Variants in SLC43A3 observed in about 807,000 individuals in gnomAD.
SLC43A3 encodes equilibrative nucleobase transporter 1.
In SLC43A3, 33 loss-of-function variants were observed where a neutral mutation model predicts 53.3. The ratio of observed to expected loss-of-function variants is 0.62; its 90% CI spans 0.47 to 0.83. The LOEUF (loss-of-function observed/expected upper bound fraction) is 0.83, where lower values mean the gene tolerates loss of function less well. SLC43A3 is among the 40% of genes least tolerant of loss of function. The pLI, the probability that SLC43A3 is intolerant of heterozygous loss-of-function variation, is 0.00. For missense variants in SLC43A3, 530 were observed against 610.0 expected (o/e 0.87, Z 1.38); for synonymous variants, 236 against 246.2 (o/e 0.96, Z 0.39).
chr11:57,426,538 A>C (rs1943206208), intron 2 of SLC43A3, 50 bp downstream of exon 2: 1 of 187,714 alleles, frequency 5.3e-6, no homozygotes, highest in South Asian at 1.4e-4. Context: ...GCAAGTAGAG[A>C]GGCAGGTCTT....
At chr11:57,415,259 G>T (rs1942666370) in intron 9 of SLC43A3, 153 bp from the exon 10 acceptor site, 1 of 1,535,128 alleles carries the variant, frequency 6.5e-7, no homozygotes, top group Non-Finnish European at 8.7e-7. Context: ...ACCTGCCTCG[G>T]ACTCACACAT....
chr11:57,419,135 C>T (rs533362281), intron 7 of SLC43A3, among the ~76,000 whole-genome samples: 4 of 152,198 alleles, frequency 2.6e-5, no homozygotes, highest in Admixed American at 1.3e-4. Context: ...GGAGCCTCCT[C>T]GTGTGGCTCC....
intron 11 of SLC43A3, among the ~76,000 whole-genome samples, chr11:57,412,053 T>TA (rs1942500738): frequency 1.3e-5 from 2 of 152,164 alleles, no homozygotes; most frequent in South Asian, 2.1e-4. Flanking sequence ...CCAGGAGCAA[T>TA]AAAAAACCTC....
intron 13 of SLC43A3, chr11:57,408,856 G>A (rs1210577588): frequency 3.2e-6 from 1 of 307,774 alleles, no homozygotes. Context: ...AAAGCACAGA[G>A]GTCCTGTCCC....
At chr11:57,413,159 C>T (rs1175323517) in intron 11 of SLC43A3, among the ~76,000 whole-genome samples, 1 of 151,734 alleles carries the variant, frequency 6.6e-6, no homozygotes, top group South Asian at 2.1e-4. Context: ...TTAAATGACA[C>T]ATTAAAACAA....
At chr11:57,425,481 G>A in intron 4 of SLC43A3, 60 bp downstream of exon 4, 1 of 1,573,628 alleles carries the variant, frequency 6.4e-7, no homozygotes, top group Non-Finnish European at 8.7e-7. Context: ...CTCCAAGCTA[G>A]GCTGCTGCCT....
At chr11:57,418,021 C>T (rs1942800045) in intron 7 of SLC43A3, 134 bp from the exon 8 acceptor site, 2 of 776,576 alleles carry the variant, frequency 2.6e-6, no homozygotes, top group Non-Finnish European at 2.0e-6. Context: ...TCTATACACA[C>T]AATGGAATAT....
chr11:57,416,013 T>C (rs141327997), intron 9 of SLC43A3, among the ~76,000 whole-genome samples: 88 of 152,346 alleles, frequency 5.8e-4, no homozygotes, highest in African/African-American at 1.9e-3. Context: ...TTTGATGACC[T>C]ACAGTCTTCG....
intron 9 of SLC43A3, among the ~76,000 whole-genome samples, chr11:57,416,205 T>C (rs1942710320): frequency 6.6e-6 from 1 of 152,052 alleles, no homozygotes; most frequent in African/African-American, 2.4e-5. Context: ...GTGATAGAGT[T>C]GGGACAATAA....
chr11:57,422,079 TC>T (rs1399368470), intron 5 of SLC43A3, among the ~76,000 whole-genome samples: 1 of 152,196 alleles, frequency 6.6e-6, no homozygotes, highest in African/African-American at 2.4e-5. Flanking sequence ...AAATTCTTCC[TC>T]CCCAAACCAG....
Position 57,417,840 on chromosome 11 carries a change from G to C in SLC43A3, c.579C>G (p.Ile193Met). 1 of 1,614,196 alleles carries C rather than the reference G, an allele frequency of 6.2e-7. No homozygotes were observed. Among genetic ancestry groups the C allele is most frequent in the Non-Finnish European group, 8.5e-7 (1 of 1,180,046 alleles). ...GISLRASFIF[I>M]SVCSTWHVAR... ...CTACATGCCAGGTACTGCAGACAGA[G>C]ATGAAGATGAAGGAGGCCCTGAGGC... The change falls in exon 8 of 14, where the codon ATC becomes ATG. Residue 193 changes from isoleucine (I) to methionine (M), a missense_variant. This residue lies in a region of SLC43A3 where 376 missense variants were observed against 386.7 expected (regional missense o/e 0.97). Coordinates refer to ENST00000395124, the MANE Select transcript of SLC43A3 (RefSeq NM_199329.3).
intron 11 of SLC43A3, among the ~76,000 whole-genome samples, chr11:57,412,931 G>A (rs1942546354): frequency 6.6e-6 from 1 of 152,008 alleles, no homozygotes; most frequent in South Asian, 2.1e-4. Context: ...AAACTTTATA[G>A]TGGATGGATC....
chr11:57,417,954 A>T, intron 7 of SLC43A3, 67 bp from the exon 8 acceptor site: 1 of 1,504,828 alleles, frequency 6.6e-7, no homozygotes, highest in Non-Finnish European at 9.1e-7. Context: ...CACAATAGCC[A>T]AAGGATGGAA....
rs376854499 is a variant in SLC43A3 at position 57,408,908 on chromosome 11, G to A, written c.1371+267C>T. ...AACCCTGTGTGGGCCTAGGGGAGAG[G>A]CCAGGGTGGGCCTGCACTCACCACA... is the stretch of plus-strand genomic sequence containing the variant. On this transcript the variant is annotated intron_variant, in intron 13 of 13. Transcript: ENST00000395124. Among the ~76,000 whole-genome samples, 6 of 152,344 alleles carry A rather than the reference G, an allele frequency of 3.9e-5. No individual in the cohort carries two copies. The East Asian group carries it at 9.7e-4, about 25-fold the overall frequency.
rs1342886211 is a variant in SLC43A3 at position 57,426,152 on chromosome 11, G to A, written c.21C>T (p.Pro7=). MAGQGL[P]LHVATLLTGL... ...CAGTCAGCAGTGTGGCCACGTGCAGGGGCAGGCCCTGGCCCGCCATGAGCA... is the reference window on the plus strand; with the variant it reads ...CAGTCAGCAGTGTGGCCACGTGCAGAGGCAGGCCCTGGCCCGCCATGAGCA... Residue 7 remains proline, a synonymous_variant, in exon 3 of 14, where the codon CCC becomes CCT. Transcript: ENST00000395124. 6.2e-7 allele frequency: 1 copy of A among 1,614,000 alleles called. No individual in the cohort carries two copies. Among genetic ancestry groups the A allele is most frequent in the Non-Finnish European group, 8.5e-7 (1 of 1,179,986 alleles).
intron 8 of SLC43A3, 127 bp downstream of exon 8, chr11:57,417,621 G>A (rs1942782115): frequency 1.9e-6 from 2 of 1,075,106 alleles, no homozygotes; most frequent in African/African-American, 1.6e-5. Flanking sequence ...AGTTTGTTAT[G>A]CAGCAATAGC....
chr11:57,421,307 G>A lies in SLC43A3; in HGVS notation c.428C>T (p.Thr143Ile), dbSNP rs200944906. 4.3e-6 allele frequency: 7 copies of A among 1,613,348 alleles called. No individual in the cohort carries two copies. Among genetic ancestry groups the A allele is most frequent in the African/African-American group, 1.3e-5 (1 of 74,906 alleles). The change falls in exon 6 of 14, where the codon ACC (threonine) becomes ATC (isoleucine). Residue 143 changes from threonine (T) to isoleucine (I), a missense_variant. Transcript: ENST00000395124. ...LTIGGILFLI[T>I]NLQIGNLFGQ... is the part of the protein sequence containing the mutation. ...AGGGAAGGCTCCCACCTGCAGGTTG[G>A]TGATGAGAAACAGGATTCCCCCAAT...
In SLC43A3 at chr11:57,414,598, C is replaced by T. The variant is rs1423355703; in HGVS notation, c.1060+17G>A. On this transcript the variant is annotated intron_variant, in intron 11 of 13. Coordinates refer to ENST00000395124, the MANE Select transcript of SLC43A3 (RefSeq NM_199329.3). ...TCCTGGTTCCCTGACCAGCCCCTGC[C>T]CTCCCCCGCATCTCACCTGTCTTTC... 8.6e-6 allele frequency: 13 copies of T among 1,518,046 alleles called. No homozygotes were observed. The Admixed American group carries it at 2.0e-4, about 23-fold the overall frequency. The allele number at this position is 1,518,046 out of a possible 1,614,324, so 94.0% of individuals were successfully genotyped here.
intron 5 of SLC43A3, 74 bp downstream of exon 5, chr11:57,423,908 C>G: frequency 7.7e-7 from 1 of 1,305,702 alleles, no homozygotes; most frequent in Non-Finnish European, 1.1e-6. Context: ...TGCCTATAGC[C>G]CTCTGCTCAC....
Sources: gnomAD v4.1 joint callset for allele counts (sites outside exome capture counted in the v4.1 genomes callset) on GRCh38, gnomAD v4.1.1 for gene constraint, gnomAD v4.1.1 regional missense constraint, MANE v1.5 for transcripts, NCBI Gene and HGNC (gene_info 2026-07-23, HGNC 2026-07-21) for gene names.